Variants in ATRNL1 observed in about 807,000 individuals in gnomAD.
The protein encoded by ATRNL1 is attractin like 1.
A neutral mutation model predicts 182.7 loss-of-function variants in ATRNL1; 95 were observed. The ratio of observed to expected loss-of-function variants is 0.52; its 90% confidence interval spans 0.44 to 0.62. The LOEUF (loss-of-function observed/expected upper bound fraction) is 0.62. ATRNL1 is among the 20% of genes least tolerant of loss of function. The pLI is 0.00. For synonymous variants in ATRNL1, 576 were observed against 568.3 expected (o/e 1.01, Z -0.19); for missense variants, 1,471 against 1,679.5 (o/e 0.88, Z 2.17).
chr10:115,893,100 T>A (rs1952119830), intron 28 of ATRNL1, among the ~76,000 whole-genome samples: 1 of 152,160 alleles, frequency 6.6e-6, no homozygotes, highest in African/African-American at 2.4e-5. Context: ...GTAGAGGCCA[T>A]GGGCTTGGCA....
At chr10:115,940,828 G>C (rs1360191166) in intron 28 of ATRNL1, among the ~76,000 whole-genome samples, 1 of 151,982 alleles carries the variant, frequency 6.6e-6, no homozygotes, top group Non-Finnish European at 1.5e-5. Context: ...AGCAACTTCT[G>C]ATGTTTTTAA....
At chr10:115,162,511 A>G (rs1846838887) in intron 6 of ATRNL1, among the ~76,000 whole-genome samples, 2 of 151,860 alleles carry the variant, frequency 1.3e-5, no homozygotes, top group Admixed American at 6.6e-5. Context: ...ATAACAGAGG[A>G]GAGAGACAGA....
chr10:115,192,942 A>G (rs1234432163), intron 8 of ATRNL1, among the ~76,000 whole-genome samples: 7 of 151,938 alleles, frequency 4.6e-5, no homozygotes, highest in Admixed American at 1.3e-4. Context: ...ACATTACTGG[A>G]TATGTTTATC....
intron 8 of ATRNL1, among the ~76,000 whole-genome samples, chr10:115,209,213 A>G (rs1554894439): frequency 6.6e-6 from 1 of 151,742 alleles, no homozygotes; most frequent in African/African-American, 2.4e-5. Flanking sequence ...AGAAAGAGAA[A>G]TATTTATTTC....
At chr10:115,235,998 T>C (rs1257116244) in intron 9 of ATRNL1, among the ~76,000 whole-genome samples, 1 of 152,156 alleles carries the variant, frequency 6.6e-6, no homozygotes, top group Non-Finnish European at 1.5e-5. Context: ...TATTTTTATT[T>C]TATTTAATGT....
chr10:115,498,039 A>C (rs1347049922), intron 24 of ATRNL1, among the ~76,000 whole-genome samples: 3 of 152,202 alleles, frequency 2.0e-5, no homozygotes, highest in African/African-American at 7.2e-5. Context: ...CTCAAAGAAT[A>C]AATTACTTTA....
At chr10:115,454,463 T>G (rs1023658313) in intron 21 of ATRNL1, among the ~76,000 whole-genome samples, 1 of 152,086 alleles carries the variant, frequency 6.6e-6, no homozygotes, top group Admixed American at 6.6e-5. Context: ...TTTGACAGGA[T>G]TTGCAATGAA....
intron 25 of ATRNL1, among the ~76,000 whole-genome samples, chr10:115,533,329 G>C (rs1851722556): frequency 6.6e-6 from 1 of 152,028 alleles, no homozygotes; most frequent in Admixed American, 6.5e-5. Flanking sequence ...GTTTAGTCTT[G>C]GGAGAGTGTA....
At chr10:115,121,915 T>C (rs1844755181) in intron 3 of ATRNL1, 103 bp downstream of exon 3, 1 of 518,512 alleles carries the variant, frequency 1.9e-6, no homozygotes, top group Non-Finnish European at 3.4e-6. Flanking sequence ...AAGATATTGA[T>C]AGTTACATTT....
intron 27 of ATRNL1, among the ~76,000 whole-genome samples, chr10:115,825,423 A>C (rs1555091701): frequency 6.6e-6 from 1 of 152,134 alleles, no homozygotes; most frequent in Non-Finnish European, 1.5e-5. Flanking sequence ...CCAGAACTTA[A>C]TGTATAATAA....
At chr10:115,369,994 A>G (rs1209234815) in intron 19 of ATRNL1, among the ~76,000 whole-genome samples, 1 of 152,198 alleles carries the variant, frequency 6.6e-6, no homozygotes, top group Admixed American at 6.5e-5. Context: ...AAGATAATTG[A>G]ATCACAGGGG....
chr10:115,163,791 A>G (rs1484942096), intron 6 of ATRNL1, among the ~76,000 whole-genome samples: 1 of 152,180 alleles, frequency 6.6e-6, no homozygotes, highest in African/African-American at 2.4e-5. Context: ...CTAATTTATG[A>G]TAACTTGGAA....
chr10:115,637,404 C>T (rs2804251), intron 26 of ATRNL1, among the ~76,000 whole-genome samples: 1 of 151,576 alleles, frequency 6.6e-6, no homozygotes, highest in Non-Finnish European at 1.5e-5. Flanking sequence ...TTTAAAAAAA[C>T]TTTAAAAAGT....
intron 24 of ATRNL1, among the ~76,000 whole-genome samples, chr10:115,487,753 C>T (rs1849094398): frequency 6.6e-6 from 1 of 152,142 alleles, no homozygotes; most frequent in Non-Finnish European, 1.5e-5. Context: ...CTGGCCAGAA[C>T]TTCCAATACT....
intron 19 of ATRNL1, among the ~76,000 whole-genome samples, chr10:115,381,003 C>G (rs192268437): frequency 4.0e-4 from 61 of 152,248 alleles, no homozygotes; most frequent in Non-Finnish European, 1.2e-4. Flanking sequence ...ACATCTTGAC[C>G]AGCAGTTCAT....
At chr10:115,502,715 A>G (rs946000173) in intron 24 of ATRNL1, among the ~76,000 whole-genome samples, 15 of 152,220 alleles carry the variant, frequency 9.9e-5, no homozygotes, top group African/African-American at 3.4e-4. Flanking sequence ...TTTGACATTA[A>G]TGATTGATTT....
intron 19 of ATRNL1, among the ~76,000 whole-genome samples, chr10:115,374,262 G>A (rs1857542556): frequency 6.6e-6 from 1 of 151,412 alleles, no homozygotes; most frequent in South Asian, 2.1e-4. Flanking sequence ...TTAATGGTTT[G>A]TCAATTTTGT....
chr10:115,369,415 G>T (rs1857267886), intron 19 of ATRNL1, among the ~76,000 whole-genome samples: 2 of 152,002 alleles, frequency 1.3e-5, no homozygotes, highest in Admixed American at 6.6e-5. Context: ...CGGGATTGGG[G>T]TTTTGTGAGA....
rs555988278 is a variant in ATRNL1 at position 115,886,579 on chromosome 10, T to A, written c.4018+38588T>A. Among the ~76,000 whole-genome samples, 27 of 152,354 alleles carry A rather than the reference T, an allele frequency of 1.8e-4. No individual in the cohort carries two copies. In the South Asian group the frequency reaches 5.6e-3, roughly 32 times the overall value. On this transcript the variant is annotated intron_variant, in intron 28 of 28. Transcript: ENST00000355044. ...TAAATTAATGTTGTTGTTTTGAATG[T>A]CATGTGATTTGTAAGTATTGTATTT...
Sources: gnomAD v4.1 joint callset for allele counts (sites outside exome capture counted in the v4.1 genomes callset) on GRCh38, gnomAD v4.1.1 for gene constraint, MANE v1.5 for transcripts, NCBI Gene and HGNC (gene_info 2026-07-23, HGNC 2026-07-21) for gene names.